Variants in MCUB observed in about 807,000 individuals in gnomAD.
MCUB encodes the protein mitochondrial calcium uniporter dominant negative subunit beta, also known as calcium uniporter regulatory subunit MCUb, mitochondrial.
In MCUB, 46 loss-of-function variants were observed where a neutral mutation model predicts 41.4. The observed-to-expected ratio is 1.11, with a 90% CI of 0.88 to 1.42. MCUB has a LOEUF of 1.42. MCUB is among the 40% of genes most tolerant of loss of function. The pLI is 0.00. For missense variants in MCUB, 403 were observed against 404.9 expected (o/e 1.00, Z 0.04); for synonymous variants, 148 against 148.2 (o/e 1.00, Z 0.01).
At position 109,638,436 on chromosome 4, in the gene MCUB, A is replaced by G. The variant is rs116745382; in HGVS notation, c.100-20575A>G. Among the ~76,000 whole-genome samples, 1,256 of 151,518 alleles carry G rather than the reference A, an allele frequency of 8.3e-3. 22 individuals are homozygous for G. Among genetic ancestry groups the G allele is most frequent in the African/African-American group, 0.028 (1,162 of 41,226 alleles). On this transcript the variant is annotated intron_variant, in intron 1 of 7. Coordinates refer to ENST00000394650, the MANE Select transcript of MCUB (RefSeq NM_017918.5). ...TAAAAAAAAAAAAAAAAAACCATAC[A>G]TTAAGATACTTTATTGCTAAAAATG...
chr4:109,670,310 AC>A (rs879789132), intron 4 of MCUB, among the ~76,000 whole-genome samples: 4,945 of 152,222 alleles, frequency 0.032, 269 homozygotes, highest in African/African-American at 0.11. Flanking sequence ...TAGGATGGTT[AC>A]AGGTTGCTGA....
chr4:109,620,952 G>T (rs1026155221), intron 1 of MCUB, among the ~76,000 whole-genome samples: 2 of 151,396 alleles, frequency 1.3e-5, no homozygotes, highest in Admixed American at 6.6e-5. Flanking sequence ...AGGCTGGAGT[G>T]CAGTGGCTCT....
intron 4 of MCUB, among the ~76,000 whole-genome samples, chr4:109,671,094 T>C (rs1027831749): frequency 2.0e-5 from 3 of 152,274 alleles, no homozygotes; most frequent in Non-Finnish European, 2.9e-5. Context: ...ACCTTAGTTT[T>C]CTTATGCATC....
intron 1 of MCUB, among the ~76,000 whole-genome samples, chr4:109,617,273 A>G (rs6533438): frequency 0.71 from 108,241 of 152,096 alleles, 38,677 homozygotes; most frequent in South Asian, 0.76. Context: ...TCACATTTTG[A>G]TAGGGCAATT....
Position 109,688,581 on chromosome 4 carries a change from A to G in MCUB, c.*989A>G, listed in dbSNP as rs963271389. 2.0e-5 allele frequency: 3 copies of G among 152,230 alleles called. No homozygotes were observed. The highest frequency in any genetic ancestry group is 7.2e-5 in the African/African-American group (3 of 41,446). The allele number at this position is 152,230 out of a possible 1,614,324, so 9.4% of individuals were successfully genotyped here. On this transcript the variant is annotated 3_prime_UTR_variant, in exon 8 of 8. Transcript: ENST00000394650. ...ATGACCGAGTAAAAAACATCTATCA[A>G]TTACACAAATGAACAAGAATGTGAG...
chr4:109,636,017 G>A (rs907744059), intron 1 of MCUB, among the ~76,000 whole-genome samples: 2 of 152,196 alleles, frequency 1.3e-5, no homozygotes, highest in Admixed American at 6.5e-5. Flanking sequence ...TTTCCAAAGT[G>A]TAGTTGACAC....
chr4:109,600,031 G>A (rs558062001), intron 1 of MCUB, among the ~76,000 whole-genome samples: 1 of 152,264 alleles, frequency 6.6e-6, no homozygotes, highest in African/African-American at 2.4e-5. Flanking sequence ...CTAATATTGA[G>A]GTATCTTGGA....
At chr4:109,659,576 C>A (rs1729179606) in intron 2 of MCUB, among the ~76,000 whole-genome samples, 1 of 152,090 alleles carries the variant, frequency 6.6e-6, no homozygotes, top group Non-Finnish European at 1.5e-5. Flanking sequence ...CAGAGTGAGA[C>A]CCTGTCTCAA....
intron 1 of MCUB, among the ~76,000 whole-genome samples, chr4:109,646,095 C>A (rs979979067): frequency 2.5e-4 from 38 of 151,952 alleles, no homozygotes; most frequent in Admixed American, 6.6e-5. Context: ...TGGCTGTCTT[C>A]TCATCATCAC....
chr4:109,672,631 T>C (rs1032315638), intron 4 of MCUB, among the ~76,000 whole-genome samples: 1 of 152,216 alleles, frequency 6.6e-6, no homozygotes, highest in Non-Finnish European at 1.5e-5. Context: ...CATCTACTGG[T>C]AAATGTGGGA....
intron 1 of MCUB, among the ~76,000 whole-genome samples, chr4:109,593,948 T>C (rs1727496773): frequency 6.6e-6 from 1 of 152,248 alleles, no homozygotes; most frequent in Non-Finnish European, 1.5e-5. Context: ...TTTCGGATGC[T>C]ATATAGTCCA....
At chr4:109,574,046 G>C (rs1235134363) in intron 1 of MCUB, among the ~76,000 whole-genome samples, 1 of 151,444 alleles carries the variant, frequency 6.6e-6, no homozygotes, top group East Asian at 1.9e-4. Context: ...GCTAATTTTT[G>C]CGTTTTTAGT....
chr4:109,612,015 CATTA>C (rs1337147191), intron 1 of MCUB, among the ~76,000 whole-genome samples: 27 of 152,270 alleles, frequency 1.8e-4, no homozygotes, highest in African/African-American at 6.3e-4. Flanking sequence ...ATTTTGTCTC[CATTA>C]ATTGTGTTAG....
At chr4:109,603,230 G>C (rs995715923) in intron 1 of MCUB, among the ~76,000 whole-genome samples, 3 of 151,090 alleles carry the variant, frequency 2.0e-5, no homozygotes, top group Admixed American at 1.3e-4. Flanking sequence ...CGAGTGCCTG[G>C]GATTGCAGGC....
intron 4 of MCUB, chr4:109,673,825 A>G (rs1282475278): frequency 1.4e-6 from 1 of 722,398 alleles, no homozygotes. Context: ...CTCTAGGGAG[A>G]TTCTTCAAGC....
chr4:109,625,736 G>T (rs1164075201), intron 1 of MCUB, among the ~76,000 whole-genome samples: 1 of 152,148 alleles, frequency 6.6e-6, no homozygotes, highest in African/African-American at 2.4e-5. Context: ...CCAGAGTCTA[G>T]TGCATTATAT....
chr4:109,641,900 A>G (rs1728723547), intron 1 of MCUB, among the ~76,000 whole-genome samples: 1 of 152,222 alleles, frequency 6.6e-6, no homozygotes, highest in Non-Finnish European at 1.5e-5. Flanking sequence ...TGGAATTACT[A>G]CCTTTGTCAC....
At chr4:109,681,330 A>T (rs1449879287) in intron 4 of MCUB, 1 of 310,448 alleles carries the variant, frequency 3.2e-6, no homozygotes, top group Non-Finnish European at 6.6e-6. Flanking sequence ...GGTTAAAGGT[A>T]GTCAAAAGCT....
In MCUB at chr4:109,678,072, G is replaced by A. The variant is rs537282180; in HGVS notation, c.452-4510G>A. Among the ~76,000 whole-genome samples the A allele has an allele frequency of 5.0e-3, 757 of 151,926 alleles. 3 individuals are homozygous for A. Among genetic ancestry groups the A allele is most frequent in the African/African-American group, 0.017 (724 of 41,420 alleles). On this transcript the variant is annotated intron_variant, in intron 4 of 7. Transcript: ENST00000394650. ...TGTTTAACAAAGCACATCTTGCACC[G>A]CCCTTAATCCATTTAACCCTGAGTT...
Sources: gnomAD v4.1 joint callset for allele counts (sites outside exome capture counted in the v4.1 genomes callset) on GRCh38, gnomAD v4.1.1 for gene constraint, MANE v1.5 for transcripts, NCBI Gene and HGNC (gene_info 2026-07-23, HGNC 2026-07-21) for gene names.